HDAC4: variants seen among roughly 807,000 people sequenced by gnomAD.
The protein encoded by HDAC4 is histone deacetylase A.
In HDAC4, 16 loss-of-function variants were observed where a neutral mutation model predicts 135.1. That is an observed-to-expected ratio of 0.12 (90% CI 0.08 to 0.18). HDAC4 has a LOEUF of 0.18. Ranked by LOEUF, HDAC4 falls within the 10% of genes least tolerant of loss-of-function variation. The pLI is 1.00. For missense variants in HDAC4, 1,143 were observed against 1,511.8 expected (o/e 0.76, Z 4.05); for synonymous variants, 685 against 653.4 (o/e 1.05, Z -0.74).
intron 3 of HDAC4, among the ~76,000 whole-genome samples, chr2:239,230,747 C>T (rs1421586198): frequency 1.3e-5 from 2 of 152,230 alleles, no homozygotes; most frequent in African/African-American, 2.4e-5. Context: ...TTTGTTACCA[C>T]GGGCTCTGTG....
intron 2 of HDAC4, among the ~76,000 whole-genome samples, chr2:239,301,937 T>C (rs2052294203): frequency 6.6e-6 from 1 of 152,052 alleles, no homozygotes; most frequent in South Asian, 2.1e-4. Flanking sequence ...CGCCTAAGAC[T>C]GATGGTACAA....
rs578214617 is a variant in HDAC4, at chr2:239,303,408, G to A, written c.22+49270C>T. Among the ~76,000 whole-genome samples the A allele has an allele frequency of 1.3e-5, 2 of 152,168 alleles. No individual in the cohort carries two copies. The highest frequency in any genetic ancestry group is 2.1e-4 in the South Asian group (1 of 4,812). ...AAACGTCCCTCACCCTTCTGCAGTC[G>A]CCACCGAGCACTCGTGGTGTGGCCC... On this transcript the variant is annotated intron_variant, in intron 2 of 26. Coordinates refer to ENST00000543185, the MANE Select transcript of HDAC4 (RefSeq NM_001378414.1). This position sits in a 1 kb window ranked among gnomAD's most constrained non-coding sequence, Gnocchi z 5.1.
intron 16 of HDAC4, among the ~76,000 whole-genome samples, chr2:239,100,171 G>C (rs2037485481): frequency 6.6e-6 from 1 of 152,180 alleles, no homozygotes; most frequent in South Asian, 2.1e-4. Context: ...CTCTGCCTTT[G>C]GCCTGGGGCC....
intron 24 of HDAC4, among the ~76,000 whole-genome samples, chr2:239,064,357 C>T (rs545806360): frequency 3.9e-5 from 6 of 152,292 alleles, no homozygotes; most frequent in South Asian, 2.1e-4. Context: ...GGGAGGGGCC[C>T]GGAGGATGCC....
At chr2:239,118,704 A>AC (rs1461661878) in intron 12 of HDAC4, among the ~76,000 whole-genome samples, 1 of 152,210 alleles carries the variant, frequency 6.6e-6, no homozygotes, top group Non-Finnish European at 1.5e-5. Flanking sequence ...ATCACGCCGT[A>AC]CGCTGTAAAT....
At position 239,299,706 on chromosome 2, in the gene HDAC4, C is replaced by T. The variant is rs1305320245; in HGVS notation, c.22+52972G>A. ...CACGGAGCAAGGTCCTGCCCACCTGCACTGGTGGCCTCCCAGCAGCTCTCA... is the reference window on the plus strand; with the variant it reads ...CACGGAGCAAGGTCCTGCCCACCTGTACTGGTGGCCTCCCAGCAGCTCTCA... On this transcript the variant is annotated intron_variant, in intron 2 of 26. Transcript: ENST00000543185. This position sits in a 1 kb window ranked among gnomAD's most constrained non-coding sequence, Gnocchi z 4.0. Among the ~76,000 whole-genome samples, 1 of 152,230 alleles carries T rather than the reference C, an allele frequency of 6.6e-6. No homozygotes were observed. Among genetic ancestry groups the T allele is most frequent in the Non-Finnish European group, 1.5e-5 (1 of 68,048 alleles).
intron 16 of HDAC4, among the ~76,000 whole-genome samples, chr2:239,096,564 G>A (rs1157805684): frequency 3.6e-5 from 2 of 55,054 alleles, no homozygotes; most frequent in African/African-American, 7.8e-5. Flanking sequence ...CCCCACAGAC[G>A]CCTACACCCC....
chr2:239,238,437 TGG>T (rs1296501073), intron 2 of HDAC4, among the ~76,000 whole-genome samples: 2 of 151,342 alleles, frequency 1.3e-5, no homozygotes, highest in African/African-American at 2.4e-5. Context: ...GGAGGGGGCT[TGG>T]GGGGACCACC....
At chr2:239,140,856 G>A in intron 8 of HDAC4, 1 of 415,764 alleles carries the variant, frequency 2.4e-6, no homozygotes, top group Non-Finnish European at 5.1e-6. Flanking sequence ...GAGGACGCAG[G>A]TGCCCACTCA....
chr2:239,389,543 T>G (rs538754405), intron 1 of HDAC4, among the ~76,000 whole-genome samples: 2 of 152,192 alleles, frequency 1.3e-5, no homozygotes, highest in African/African-American at 4.8e-5. Context: ...AAGAACCCAC[T>G]GGAAGGAACC....
chr2:239,137,297 G>A (rs35295760), intron 9 of HDAC4, among the ~76,000 whole-genome samples: 19,464 of 152,270 alleles, frequency 0.13, 1,585 homozygotes, highest in Non-Finnish European at 0.18. Flanking sequence ...GGGAAAGTCC[G>A]CGGGCCTGAG....
chr2:239,371,925 T>C (rs1694651426), intron 1 of HDAC4, among the ~76,000 whole-genome samples: 1 of 152,152 alleles, frequency 6.6e-6, no homozygotes, highest in African/African-American at 2.4e-5. Flanking sequence ...GGGGGCAGCA[T>C]CCATCAGAGA....
intron 3 of HDAC4, among the ~76,000 whole-genome samples, chr2:239,224,541 C>T (rs918529092): frequency 1.2e-4 from 18 of 152,202 alleles, no homozygotes; most frequent in African/African-American, 4.3e-4. Flanking sequence ...GGAGGCCTGC[C>T]CTCACCAGCG....
chr2:239,375,294 C>A (rs1022680755), intron 1 of HDAC4, among the ~76,000 whole-genome samples: 1 of 152,172 alleles, frequency 6.6e-6, no homozygotes, highest in Non-Finnish European at 1.5e-5. Context: ...TGCTGTCCTG[C>A]AGGCCTGCGG....
At chr2:239,198,093 G>A (rs1348960402) in intron 3 of HDAC4, among the ~76,000 whole-genome samples, 4 of 151,870 alleles carry the variant, frequency 2.6e-5, no homozygotes, top group East Asian at 3.9e-4. Flanking sequence ...TGATCCTCTC[G>A]CTGTGGCCTC....
intron 1 of HDAC4, among the ~76,000 whole-genome samples, chr2:239,387,100 T>G (rs1007534218): frequency 6.6e-6 from 1 of 152,250 alleles, no homozygotes; most frequent in East Asian, 1.9e-4. Flanking sequence ...GTGGGAATGC[T>G]TGCTGTGTGT....
At chr2:239,209,112 C>T (rs2046227444) in intron 3 of HDAC4, among the ~76,000 whole-genome samples, 1 of 152,208 alleles carries the variant, frequency 6.6e-6, no homozygotes, top group African/African-American at 2.4e-5. Flanking sequence ...AACTCCTGAG[C>T]TCAAGCAATT....
At chr2:239,211,360 C>CT (rs1413011314) in intron 3 of HDAC4, among the ~76,000 whole-genome samples, 1 of 152,202 alleles carries the variant, frequency 6.6e-6, no homozygotes, top group African/African-American at 2.4e-5. Context: ...CCTGAGAGCC[C>CT]TGCCCCGTGC....
intron 18 of HDAC4, among the ~76,000 whole-genome samples, chr2:239,088,129 C>A (rs969222986): frequency 2.0e-5 from 3 of 152,176 alleles, no homozygotes; most frequent in Non-Finnish European, 4.4e-5. Flanking sequence ...GGCAAGTGGG[C>A]AGCCCACGAA....
Sources: allele counts gnomAD v4.1 joint callset (sites outside exome capture counted in the v4.1 genomes callset), GRCh38; gene constraint gnomAD v4.1.1; non-coding constraint Gnocchi (gnomAD v3.1); transcripts MANE v1.5; gene names NCBI Gene and HGNC (gene_info 2026-07-23, HGNC 2026-07-21).